The following IFT122 variants were observed in gnomAD, a reference collection of about 807,000 sequenced individuals.
The protein encoded by IFT122 is intraflagellar transport protein 122 homolog.
IFT122 carries 118 observed loss-of-function variants against 161.6 expected under a neutral mutation model. The observed-to-expected ratio is 0.73, with a 90% CI of 0.63 to 0.85. IFT122 has a LOEUF of 0.85. Among genes scored for constraint, IFT122 ranks in the 40% least tolerant of loss-of-function variants. The pLI, the probability that IFT122 is intolerant of heterozygous loss-of-function variation, is 0.00. For missense variants in IFT122, 1,381 were observed against 1,579.6 expected (o/e 0.87, Z 2.13); for synonymous variants, 550 against 602.4 (o/e 0.91, Z 1.27).
intron 4 of IFT122, chr3:129,459,424 G>C: frequency 2.8e-6 from 1 of 361,446 alleles, no homozygotes; most frequent in Non-Finnish European, 5.3e-6. Flanking sequence ...CGAGTAGCTG[G>C]GACTATAGGC....
At chr3:129,506,062 A>C (rs191122342) in intron 21 of IFT122, among the ~76,000 whole-genome samples, 1 of 152,316 alleles carries the variant, frequency 6.6e-6, no homozygotes, top group Non-Finnish European at 1.5e-5. Context: ...AGGAGTCACA[A>C]AACTTTGCCC....
chr3:129,465,113 G>A (rs1311877025), intron 7 of IFT122, among the ~76,000 whole-genome samples: 1 of 78,838 alleles, frequency 1.3e-5, no homozygotes, highest in Admixed American at 1.3e-4. Context: ...ACATGTATAT[G>A]AGTGTGTGTG....
At chr3:129,446,590 C>G (rs574162184) in intron 1 of IFT122, among the ~76,000 whole-genome samples, 1 of 152,300 alleles carries the variant, frequency 6.6e-6, no homozygotes, top group Admixed American at 6.5e-5. Context: ...AAGCCCCCTG[C>G]TTCAAGTTGT....
At chr3:129,447,977 C>T (rs899784249) in intron 1 of IFT122, among the ~76,000 whole-genome samples, 2 of 152,102 alleles carry the variant, frequency 1.3e-5, no homozygotes, top group Non-Finnish European at 2.9e-5. Context: ...GGGGGGCTTA[C>T]AATTTTATTT....
chr3:129,508,340 C>T (rs1443458136), intron 23 of IFT122, among the ~76,000 whole-genome samples: 1 of 152,188 alleles, frequency 6.6e-6, no homozygotes, highest in African/African-American at 2.4e-5. Flanking sequence ...CCTCTTCATC[C>T]ACTGTATCTC....
intron 1 of IFT122, among the ~76,000 whole-genome samples, chr3:129,443,081 G>A (rs188865459): frequency 6.6e-6 from 1 of 152,164 alleles, no homozygotes; most frequent in Non-Finnish European, 1.5e-5. Context: ...CTTGCTATAG[G>A]CCACATGTCC....
In IFT122 at chr3:129,461,262, C is replaced by G. The variant is rs2076186658; in HGVS notation, c.307C>G (p.Pro103Ala). ...TGCTATACAATGTGTCTCCTACAAT[C>G]CTATTACTCATCAACTGGCATCTTG... is the stretch of plus-strand genomic sequence containing the variant. Reference protein sequence around the residue: ...NDAIQCVSYNPITHQLASCSS... With the variant: ...NDAIQCVSYNAITHQLASCSS... The change falls in exon 5 of 30, where the codon CCT becomes GCT. Residue 103 changes from proline to alanine, a missense_variant. Around this residue, in one of 7 missense-constraint regions of IFT122, gnomAD observed 134 missense variants for 137.4 expected, o/e 0.98. Coordinates refer to ENST00000348417, the MANE Select transcript of IFT122 (RefSeq NM_052989.3). 6.2e-7 allele frequency: 1 copy of G among 1,613,576 alleles called. No homozygotes were observed. Among genetic ancestry groups the G allele is most frequent in the African/African-American group, 1.3e-5 (1 of 74,908 alleles).
chr3:129,519,301 T>C, intron 28 of IFT122, 115 bp downstream of exon 28: 1 of 1,092,326 alleles, frequency 9.2e-7, no homozygotes. Context: ...AACTTCCAGA[T>C]GTGGTGGCAC....
chr3:129,458,598 G>C lies in IFT122; in HGVS notation c.194-1G>C. On this transcript the variant is annotated splice_acceptor_variant, in intron 3 of 29. Coordinates refer to ENST00000348417, the MANE Select transcript of IFT122 (RefSeq NM_052989.3). LOFTEE classifies it high-confidence loss of function. The stretch of plus-strand genomic sequence containing the variant: ...ACTTTCCATTTTACAAACACTTTTA[G>C]GCAAGCGCTTTGCTTCTGGATCAGC... The C allele has an allele frequency of 6.2e-7, 1 of 1,613,554 alleles. No individual in the cohort carries two copies. Among genetic ancestry groups the C allele is most frequent in the Non-Finnish European group, 8.5e-7 (1 of 1,179,480 alleles).
chr3:129,506,451 T>G lies in IFT122; in HGVS notation c.2693T>G (p.Leu898Arg). The change falls in exon 22 of 30, where the codon CTG becomes CGG. Residue 898 changes from leucine (L) to arginine (R), a missense_variant. Physicochemically the swap from Leu to Arg is moderately radical, Grantham distance 102. This residue lies in a region of IFT122 where 496 missense variants were observed against 502.5 expected (regional missense o/e 0.99). Coordinates refer to ENST00000348417, the MANE Select transcript of IFT122 (RefSeq NM_052989.3). ...AGRQREAVQV[L>R]EQLTNNAVAE... ...CGACAGAGAGAAGCGGTCCAGGTGC[T>G]GGAGCAGCTCACAAACAATGCCGTG... 1 of 1,614,246 alleles carries G rather than the reference T, an allele frequency of 6.2e-7. No homozygotes were observed. The highest frequency in any genetic ancestry group is 8.5e-7 in the Non-Finnish European group (1 of 1,180,046).
At chr3:129,517,268 GCACACACACACACA>G (rs777108020) in intron 26 of IFT122, among the ~76,000 whole-genome samples, 187 bp from the exon 27 acceptor site, 1 of 117,120 alleles carries the variant, frequency 8.5e-6, no homozygotes, top group Non-Finnish European at 1.8e-5. Flanking sequence ...CATTGCTCCT[GCACACACACACACA>G]CACACACACA....
intron 7 of IFT122, among the ~76,000 whole-genome samples, chr3:129,466,461 G>C (rs2076783250): frequency 6.6e-6 from 1 of 151,290 alleles, no homozygotes; most frequent in African/African-American, 2.4e-5. Context: ...CTCCAGGTAG[G>C]GTTCAGAGGC....
In IFT122 at chr3:129,502,867, C is replaced by G; in HGVS notation, c.2532C>G (p.Thr844=). The G allele has an allele frequency of 1.2e-6, 2 of 1,611,034 alleles. No homozygotes were observed. Among genetic ancestry groups the G allele is most frequent in the South Asian group, 2.2e-5 (2 of 91,088 alleles). The change falls in exon 20 of 30, where the codon ACC becomes ACG. Residue 844 remains threonine, a synonymous_variant. Coordinates refer to ENST00000348417, the MANE Select transcript of IFT122 (RefSeq NM_052989.3). ...LKSLVQLHVE[T]QRWDEAFALG... ...CCCTGGTGCAGCTGCACGTGGAGAC[C>G]CAGCGCTGGGATGAGGTGAGGGGAA...
At chr3:129,513,568 A>G (rs1258371788) in intron 24 of IFT122, 1 of 154,284 alleles carries the variant, frequency 6.5e-6, no homozygotes, top group Non-Finnish European at 1.4e-5. Context: ...CATCCTTTCC[A>G]GCAAGTTCTG....
chr3:129,459,722 TTCCTTCCC>T (rs1222040380), intron 4 of IFT122, among the ~76,000 whole-genome samples: 1 of 83,254 alleles, frequency 1.2e-5, no homozygotes, highest in Admixed American at 1.2e-4. Flanking sequence ...CCTTCCTTCC[TTCCTTCCC>T]TCCCTCCCTC....
rs1036493426 is a variant in IFT122 at position 129,457,419 on chromosome 3, G to A, written c.194-1180G>A. 6.6e-5 allele frequency among the ~76,000 whole-genome samples: 10 copies of A among 152,190 alleles called. No individual in the cohort carries two copies. The South Asian group carries it at 1.0e-3, about 16-fold the overall frequency. On this transcript the variant is annotated intron_variant, in intron 3 of 29. Transcript: ENST00000348417. The stretch of plus-strand genomic sequence containing the variant: ...CACAACCCACCTCACCCTTCCCTCC[G>A]TTCCATGATGACTCCGCTCATTCCC...
At chr3:129,495,085 G>A (rs1239255588) in intron 17 of IFT122, among the ~76,000 whole-genome samples, 4 of 152,156 alleles carry the variant, frequency 2.6e-5, no homozygotes, top group African/African-American at 7.2e-5. Context: ...TCTGCCAAAC[G>A]GGGCCTGCGG....
At chr3:129,517,321 A>T (rs2084085820) in intron 26 of IFT122, 148 bp from the exon 27 acceptor site, 3 of 914,346 alleles carry the variant, frequency 3.3e-6, no homozygotes, top group Non-Finnish European at 5.1e-6. Context: ...TCCTGCACAC[A>T]CATACAGAGA....
chr3:129,455,855 A>G lies in IFT122; in HGVS notation c.194-2744A>G, dbSNP rs142806153. Among the ~76,000 whole-genome samples, 292 of 152,316 alleles carry G rather than the reference A, an allele frequency of 1.9e-3. 1 individual carries two copies. The highest frequency in any genetic ancestry group is 6.0e-3 in the African/African-American group (251 of 41,570). On this transcript the variant is annotated intron_variant, in intron 3 of 29. Transcript: ENST00000348417. Reference sequence around the variant, plus strand: ...ACTCTTCATTAAATGGAAGTGGATCATCATAAAGGTCTTCATCTTCATTGT... The same window carrying G: ...ACTCTTCATTAAATGGAAGTGGATCGTCATAAAGGTCTTCATCTTCATTGT...
Sources: gnomAD v4.1 joint callset for allele counts (sites outside exome capture counted in the v4.1 genomes callset) on GRCh38, gnomAD v4.1.1 for gene constraint, gnomAD v4.1.1 regional missense constraint, MANE v1.5 for transcripts, NCBI Gene and HGNC (gene_info 2026-07-23, HGNC 2026-07-21) for gene names.